Variants in DNAH10 observed in about 807,000 individuals in gnomAD.
DNAH10 encodes the protein axonemal beta dynein heavy chain 10.
A neutral mutation model predicts 506.6 loss-of-function variants in DNAH10; 348 were observed. The ratio of observed to expected loss-of-function variants is 0.69; its 90% CI spans 0.63 to 0.75. DNAH10 has a LOEUF of 0.75. Ranked by LOEUF, DNAH10 falls within the 30% of genes least tolerant of loss-of-function variation. The probability of loss-of-function intolerance (pLI) is 0.00; values close to 1 mark genes in which losing one functional copy is unlikely to be tolerated. For missense variants in DNAH10, 5,179 were observed against 5,787.1 expected, an observed-to-expected ratio of 0.89 and a Z score of 3.41; for synonymous variants, 2,059 against 2,198.6, an observed-to-expected ratio of 0.94 and a Z score of 1.78.
chr12:123,877,741 T>C lies in DNAH10; in HGVS notation c.8205T>C (p.Phe2735=). The C allele has an allele frequency of 6.2e-7, 1 of 1,612,692 alleles. No homozygotes were observed. The highest frequency in any genetic ancestry group is 1.1e-5 in the South Asian group (1 of 90,762). The change falls in exon 48 of 79, where the codon TTT becomes TTC. Residue 2735 remains phenylalanine, a synonymous_variant. Transcript: ENST00000673944. The stretch of plus-strand genomic sequence containing the variant: ...GGTGTCTTTGCATTTTTCAGACGTT[T>C]CATGAGAGCATTGTGGCTGTGAGTG... ...SSILKGHTST[F]HESIVAVSGK...
rs1953863859 is a variant in DNAH10, at chr12:123,907,972, GCTGT to G, written c.9816-1284_9816-1281del. ...TACACTATGGGGCCTTCTCTCCTCTGCTGTCTGTGTGGGAGTGTGTGAGGGTTCC... is the reference window on the plus strand; with the variant it reads ...TACACTATGGGGCCTTCTCTCCTCTGCTGTGTGGGAGTGTGTGAGGGTTCC... On this transcript the variant is annotated intron_variant, in intron 57 of 78. Coordinates refer to ENST00000673944, the MANE Select transcript of DNAH10 (RefSeq NM_001372106.1). This position sits in a 1 kb window ranked among gnomAD's most constrained non-coding sequence, Gnocchi z 4.4. Among the ~76,000 whole-genome samples the G allele has an allele frequency of 6.6e-6, 1 of 152,128 alleles. No individual in the cohort carries two copies. Among genetic ancestry groups the G allele is most frequent in the Non-Finnish European group, 1.5e-5 (1 of 68,038 alleles).
Position 123,928,675 on chromosome 12 carries a change from C to T in DNAH10, c.12306+88C>T. ...CTCTGGGGCCGGGGTGTGCCTTTGTCTGTGTAGAAATAAACCTTAGGCTGC... is the reference window on the plus strand; with the variant it reads ...CTCTGGGGCCGGGGTGTGCCTTTGTTTGTGTAGAAATAAACCTTAGGCTGC... On this transcript the variant is annotated intron_variant, in intron 70 of 78. Transcript: ENST00000673944. This position sits in a 1 kb window ranked among gnomAD's most constrained non-coding sequence, Gnocchi z 4.9. The T allele has an allele frequency of 7.0e-7, 1 of 1,421,800 alleles. No individual in the cohort carries two copies. Among genetic ancestry groups the T allele is most frequent in the Non-Finnish European group, 9.5e-7 (1 of 1,057,678 alleles). 88.1% of individuals were successfully genotyped at this position (1,421,800 alleles called of 1,614,324 possible). A position where few individuals can be genotyped will look rare whatever the true frequency, so the allele number is the denominator to read the frequency against.
intron 78 of DNAH10, chr12:123,935,064 G>T: frequency 1.7e-6 from 1 of 599,510 alleles, no homozygotes; most frequent in Non-Finnish European, 2.9e-6. Flanking sequence ...TGCAGACATT[G>T]CCTGAGTCAT....
At chr12:123,788,317 G>A (rs1454820395) in intron 10 of DNAH10, among the ~76,000 whole-genome samples, 1 of 151,994 alleles carries the variant, frequency 6.6e-6, no homozygotes, top group Non-Finnish European at 1.5e-5. Flanking sequence ...CTTAAGTATT[G>A]GAATCCCTCA....
At chr12:123,832,895 G>A (rs966480791) in intron 26 of DNAH10, among the ~76,000 whole-genome samples, 5 of 152,144 alleles carry the variant, frequency 3.3e-5, no homozygotes, top group African/African-American at 1.2e-4. Flanking sequence ...TTGCTTTGAG[G>A]ACTGAATGAG....
Position 123,820,824 on chromosome 12 carries a change from C to T in DNAH10, c.4179+66C>T, listed in dbSNP as rs1959319750. Reference sequence around the variant, plus strand: ...AGGGGATGTAGGAATTACTTAAGCCCTGCAGACTTTGATGCCACCATAATA... The same window carrying T: ...AGGGGATGTAGGAATTACTTAAGCCTTGCAGACTTTGATGCCACCATAATA... On this transcript the variant is annotated intron_variant, in intron 24 of 78. Transcript: ENST00000673944. 4 of 1,547,864 alleles carry T rather than the reference C, an allele frequency of 2.6e-6. No homozygotes were observed. In the South Asian group the frequency reaches 4.6e-5, roughly 18 times the overall value.
rs968474297 is a variant in DNAH10, at chr12:123,928,862, C to CTG, written c.12306+275_12306+276insTG. The CTG allele has an allele frequency of 2.1e-6, 1 of 466,532 alleles. No individual in the cohort carries two copies. The highest frequency in any genetic ancestry group is 2.8e-5 in the African/African-American group (1 of 35,812). The allele number at this position is 466,532 out of a possible 1,614,324, so 28.9% of individuals were successfully genotyped here. A position where few individuals can be genotyped will look rare whatever the true frequency, so the allele number is the denominator to read the frequency against. On this transcript the variant is annotated intron_variant, in intron 70 of 78. Transcript: ENST00000673944. This position sits in a 1 kb window ranked among gnomAD's most constrained non-coding sequence, Gnocchi z 4.9. Reference sequence around the variant, plus strand: ...ACTTTTCATAAACTTCACGGCCCCCCCCCCCACACACAGCCTGCAGTTCGC... The same window carrying CTG: ...ACTTTTCATAAACTTCACGGCCCCCCTGCCCCCACACACAGCCTGCAGTTCGC...
chr12:123,867,869 T>C (rs781014933), intron 42 of DNAH10, 34 bp from the exon 43 acceptor site: 2 of 1,593,020 alleles, frequency 1.3e-6, no homozygotes, highest in South Asian at 2.3e-5. Context: ...GGGTGGACTA[T>C]GTGGGCTGAA....
At chr12:123,863,399 T>TA (rs1951683854) in intron 39 of DNAH10, among the ~76,000 whole-genome samples, 1 of 152,200 alleles carries the variant, frequency 6.6e-6, no homozygotes, top group Admixed American at 6.5e-5. Context: ...ATGGTGGTGT[T>TA]AGTTTCCTAG....
At chr12:123,896,446 G>A (rs1287984455) in intron 54 of DNAH10, among the ~76,000 whole-genome samples, 3 of 152,142 alleles carry the variant, frequency 2.0e-5, no homozygotes, top group Admixed American at 2.0e-4. Flanking sequence ...CAGGTGATGT[G>A]ATCTTGACAC....
intron 54 of DNAH10, among the ~76,000 whole-genome samples, chr12:123,896,168 G>A (rs1301470346): frequency 2.7e-5 from 4 of 150,578 alleles, no homozygotes; most frequent in African/African-American, 9.8e-5. Context: ...GAGAGAGAGA[G>A]AGAGAGAGAG....
intron 37 of DNAH10, 85 bp downstream of exon 37, chr12:123,857,332 C>A: frequency 8.4e-7 from 1 of 1,190,598 alleles, no homozygotes; most frequent in Non-Finnish European, 1.1e-6. Context: ...AATATATGTA[C>A]AGTAAAATAC....
At chr12:123,793,181 A>G (rs1463963483) in intron 11 of DNAH10, among the ~76,000 whole-genome samples, 1 of 151,998 alleles carries the variant, frequency 6.6e-6, no homozygotes, top group African/African-American at 2.4e-5. Flanking sequence ...TGAGAAAGGG[A>G]TTCCCTGTTT....
At chr12:123,848,308 A>G (rs1329068432) in intron 33 of DNAH10, among the ~76,000 whole-genome samples, 1 of 152,192 alleles carries the variant, frequency 6.6e-6, no homozygotes, top group African/African-American at 2.4e-5. Context: ...TCACTACCCT[A>G]GTAGGGTCAG....
At chr12:123,905,859 T>C (rs1953750047) in intron 57 of DNAH10, among the ~76,000 whole-genome samples, 2 of 152,138 alleles carry the variant, frequency 1.3e-5, no homozygotes, top group South Asian at 2.1e-4. Context: ...GGTTTATGTG[T>C]GTGTTTGTTT....
chr12:123,860,818 T>A (rs1169333680), intron 38 of DNAH10, among the ~76,000 whole-genome samples, 194 bp from the exon 39 acceptor site: 1 of 152,172 alleles, frequency 6.6e-6, no homozygotes. Flanking sequence ...GCCACATTTT[T>A]GGTGAAATGT....
chr12:123,771,722 TTGGTGGGGTAATGGGGACCCTTGA>T, intron 3 of DNAH10, 24 bp downstream of exon 3: 1 of 1,584,750 alleles, frequency 6.3e-7, no homozygotes, highest in South Asian at 1.1e-5. Flanking sequence ...TTTGTCCTTG[TTGGTGGGGTAATGGGGACCCTTGA>T]TGCCCTCTAG....
At chr12:123,881,564 T>TG in intron 50 of DNAH10, 61 bp from the exon 51 acceptor site, 1 of 1,439,934 alleles carries the variant, frequency 6.9e-7, no homozygotes, top group Non-Finnish European at 9.2e-7. Flanking sequence ...CTTTGTCAGA[T>TG]GGGTAGATTG....
Position 123,767,737 on chromosome 12 carries a change from C to T in DNAH10, c.298+48C>T, listed in dbSNP as rs541882871. On this transcript the variant is annotated intron_variant, in intron 2 of 78. Transcript: ENST00000673944. Reference sequence around the variant, plus strand: ...GGGAGGGTGGAACTGAGAAAGCCCCCCCGCAGCGGGAGTAGGGTGCTGCCT... The same window carrying T: ...GGGAGGGTGGAACTGAGAAAGCCCCTCCGCAGCGGGAGTAGGGTGCTGCCT... 3.5e-5 allele frequency: 54 copies of T among 1,535,404 alleles called. No homozygotes were observed. In the African/African-American group the frequency reaches 7.0e-4, roughly 20 times the overall value.
Sources: allele counts gnomAD v4.1 joint callset (sites outside exome capture counted in the v4.1 genomes callset), GRCh38; gene constraint gnomAD v4.1.1; non-coding constraint Gnocchi (gnomAD v3.1); transcripts MANE v1.5; gene names NCBI Gene and HGNC (gene_info 2026-07-23, HGNC 2026-07-21).